The following CTNNA2 variants were observed in gnomAD, a reference collection of about 807,000 sequenced individuals.
CTNNA2 encodes catenin alpha-2.
A neutral mutation model predicts 101.0 loss-of-function variants in CTNNA2; 42 were observed. That is an observed-to-expected ratio of 0.42 (90% confidence interval 0.32 to 0.54). The LOEUF (loss-of-function observed/expected upper bound fraction) is 0.54. Ranked by LOEUF, CTNNA2 falls within the 20% of genes least tolerant of loss-of-function variation. The pLI, the probability that CTNNA2 is intolerant of heterozygous loss-of-function variation, is 0.14. For synonymous variants in CTNNA2, 450 were observed against 456.4 expected, an observed-to-expected ratio of 0.99 and a Z score of 0.18; for missense variants, 871 against 1,223.1, an observed-to-expected ratio of 0.71 and a Z score of 4.29.
At chr2:79,747,090 C>G (rs914201780) in intron 3 of CTNNA2, among the ~76,000 whole-genome samples, 2 of 152,108 alleles carry the variant, frequency 1.3e-5, no homozygotes, top group African/African-American at 4.8e-5. Flanking sequence ...CCCTTCTGCC[C>G]TGTTCTTCCT....
chr2:80,406,961 A>G (rs1679128382), intron 8 of CTNNA2, among the ~76,000 whole-genome samples: 1 of 152,082 alleles, frequency 6.6e-6, no homozygotes, highest in Admixed American at 6.6e-5. Context: ...GGTCTGTGGA[A>G]GTACCCTTGA....
intron 4 of CTNNA2, among the ~76,000 whole-genome samples, chr2:79,405,627 G>A (rs964981827): frequency 6.6e-6 from 1 of 151,910 alleles, no homozygotes; most frequent in Admixed American, 6.6e-5. Flanking sequence ...TGACAGGCTT[G>A]TTATTGTTTT....
chr2:80,575,805 T>A (rs1384043127), intron 13 of CTNNA2, among the ~76,000 whole-genome samples: 1 of 152,120 alleles, frequency 6.6e-6, no homozygotes, highest in Non-Finnish European at 1.5e-5. Flanking sequence ...CACACAATTT[T>A]AGATAAAATG....
intron 10 of CTNNA2, 85 bp from the exon 11 acceptor site, chr2:80,545,822 C>T: frequency 7.2e-7 from 1 of 1,396,994 alleles, no homozygotes; most frequent in Non-Finnish European, 9.8e-7. Flanking sequence ...GTACAGGGTG[C>T]ATGGTTTTAA....
intron 18 of CTNNA2, among the ~76,000 whole-genome samples, chr2:80,637,813 T>G (rs1433045422): frequency 1.3e-5 from 2 of 152,150 alleles, no homozygotes; most frequent in African/African-American, 2.4e-5. Context: ...CCAGGCATAG[T>G]ACTCCACCAA....
intron 7 of CTNNA2, among the ~76,000 whole-genome samples, chr2:80,009,975 C>T (rs1693659581): frequency 1.3e-5 from 2 of 152,162 alleles, no homozygotes; most frequent in East Asian, 1.9e-4. Flanking sequence ...TGATTAGACT[C>T]ATCAAGGTAT....
At chr2:80,078,702 C>G (rs1340030656) in intron 7 of CTNNA2, among the ~76,000 whole-genome samples, 1 of 152,152 alleles carries the variant, frequency 6.6e-6, no homozygotes, top group Non-Finnish European at 1.5e-5. Flanking sequence ...TCTTCCAGCT[C>G]CATCTGGTGC....
At chr2:79,994,990 G>C (rs1692443749) in intron 7 of CTNNA2, among the ~76,000 whole-genome samples, 1 of 152,178 alleles carries the variant, frequency 6.6e-6, no homozygotes, top group Admixed American at 6.5e-5. Flanking sequence ...AATTGGAGCA[G>C]AGGGATGCAA....
chr2:80,646,217 A>G (rs1027160811), intron 18 of CTNNA2, among the ~76,000 whole-genome samples: 1 of 152,120 alleles, frequency 6.6e-6, no homozygotes. Flanking sequence ...AGCCCCCAGA[A>G]GGCTTAATGC....
chr2:80,383,982 G>A (rs2862288), intron 7 of CTNNA2, among the ~76,000 whole-genome samples: 4,608 of 152,164 alleles, frequency 0.03, 215 homozygotes, highest in African/African-American at 0.11. Context: ...ACACTATGCA[G>A]CCACAAAAAA....
At chr2:79,355,266 G>A (rs564708158) in intron 3 of CTNNA2, among the ~76,000 whole-genome samples, 2 of 152,236 alleles carry the variant, frequency 1.3e-5, no homozygotes, top group African/African-American at 4.8e-5. Context: ...TGTGAAAAAT[G>A]ACGTTGGTGA....
intron 3 of CTNNA2, among the ~76,000 whole-genome samples, chr2:79,322,186 A>G (rs1174129048): frequency 6.6e-6 from 1 of 152,216 alleles, no homozygotes; most frequent in East Asian, 1.9e-4. Context: ...ATGTCTTCAA[A>G]GGAACTAAGA....
chr2:80,124,054 G>A (rs1027659950), intron 7 of CTNNA2, among the ~76,000 whole-genome samples: 1 of 152,132 alleles, frequency 6.6e-6, no homozygotes, highest in Non-Finnish European at 1.5e-5. Flanking sequence ...GGTTGCTGCT[G>A]TTCACAAGCT....
At chr2:80,380,640 T>C (rs1676436167) in intron 7 of CTNNA2, among the ~76,000 whole-genome samples, 1 of 152,174 alleles carries the variant, frequency 6.6e-6, no homozygotes, top group East Asian at 1.9e-4. Flanking sequence ...GTGTGTATTT[T>C]TTGTTTTTGT....
intron 11 of CTNNA2, among the ~76,000 whole-genome samples, chr2:80,550,288 C>T (rs1016041316): frequency 6.6e-6 from 1 of 152,152 alleles, no homozygotes; most frequent in Non-Finnish European, 1.5e-5. Context: ...TCATTCTGAG[C>T]CTTCAGCCAG....
chr2:80,556,595 T>C (rs764193852), intron 12 of CTNNA2, among the ~76,000 whole-genome samples: 1 of 152,006 alleles, frequency 6.6e-6, no homozygotes, highest in African/African-American at 2.4e-5. Flanking sequence ...TAAAAAAAAA[T>C]GCTTCCACTG....
At chr2:79,503,511 T>A (rs1430394226) in intron 4 of CTNNA2, among the ~76,000 whole-genome samples, 1 of 152,150 alleles carries the variant, frequency 6.6e-6, no homozygotes, top group Non-Finnish European at 1.5e-5. Context: ...TCTTACTACA[T>A]ACTTATTGGC....
chr2:79,382,338 C>T (rs1043578792), intron 4 of CTNNA2, among the ~76,000 whole-genome samples: 1 of 152,010 alleles, frequency 6.6e-6, no homozygotes, highest in Non-Finnish European at 1.5e-5. Flanking sequence ...TCTCAGCCTC[C>T]GTAGTCACAT....
chr2:80,470,930 C>A (rs1202535209), intron 9 of CTNNA2, among the ~76,000 whole-genome samples: 1 of 152,066 alleles, frequency 6.6e-6, no homozygotes, highest in African/African-American at 2.4e-5. Flanking sequence ...TAAGCAAAGT[C>A]CTGAAGGGAG....
Sources: allele counts gnomAD v4.1 joint callset (sites outside exome capture counted in the v4.1 genomes callset), GRCh38; gene constraint gnomAD v4.1.1; transcripts MANE v1.5; gene names NCBI Gene and HGNC (gene_info 2026-07-23, HGNC 2026-07-21).